The following MAP3K12 variants were observed in gnomAD, a reference collection of about 807,000 sequenced individuals.
The protein encoded by MAP3K12 is MAPK-upstream kinase.
A neutral mutation model predicts 87.5 loss-of-function variants in MAP3K12; 14 were observed. The ratio of observed to expected loss-of-function variants is 0.16; its 90% CI spans 0.11 to 0.25. The LOEUF is 0.25. Ranked by LOEUF, MAP3K12 falls within the 10% of genes least tolerant of loss-of-function variation. The pLI is 1.00. For missense variants in MAP3K12, 802 were observed against 1,140.4 expected (o/e 0.70, Z 4.27); for synonymous variants, 469 against 452.5 (o/e 1.04, Z -0.46).
Position 53,486,675 on chromosome 12 carries a change from C to T in MAP3K12, c.446-53G>A. 6.6e-7 allele frequency: 1 copy of T among 1,512,822 alleles called. No homozygotes were observed. Among genetic ancestry groups the T allele is most frequent in the South Asian group, 1.3e-5 (1 of 79,566 alleles). The allele number at this position is 1,512,822 out of a possible 1,614,324, so 93.7% of individuals were successfully genotyped here. A position where few individuals can be genotyped will look rare whatever the true frequency, so the allele number is the denominator to read the frequency against. On this transcript the variant is annotated intron_variant, in intron 2 of 13. Transcript: ENST00000547488. The surrounding 1 kb of genome is among the most constrained non-coding windows in gnomAD (Gnocchi z 4.9). ...GCCTCAGAAAGAGCCACACTCAAGGCCAGGGACAGGATAGCATTGGGTTGG... is the reference window on the plus strand; with the variant it reads ...GCCTCAGAAAGAGCCACACTCAAGGTCAGGGACAGGATAGCATTGGGTTGG...
At chr12:53,487,702 C>A in intron 1 of MAP3K12, 1 of 340,690 alleles carries the variant, frequency 2.9e-6, no homozygotes, top group African/African-American at 2.1e-5. Flanking sequence ...AACAGCCCCA[C>A]GTGGGTACAC....
rs1565885187 is a variant in MAP3K12, at chr12:53,483,644, T to C, written c.1438A>G (p.Met480Val). ...NNLYMELNALMLQLELKEREL... is the reference protein window; with the variant it reads ...NNLYMELNALVLQLELKEREL... ...CTCTCCTTGAGTTCCAGCTGCAACA[T>C]GAGGGCATTAAGTTCCATATACAGG... The change falls in exon 9 of 14, where the codon ATG (methionine) becomes GTG (valine). Residue 480 changes from methionine (M) to valine (V), a missense_variant. This residue lies in a region of MAP3K12 where 99 missense variants were observed against 193.4 expected (regional missense o/e 0.51). Coordinates refer to ENST00000547488, the MANE Select transcript of MAP3K12 (RefSeq NM_001193511.2). 6.2e-7 allele frequency: 1 copy of C among 1,614,076 alleles called. No individual in the cohort carries two copies. The highest frequency in any genetic ancestry group is 8.5e-7 in the Non-Finnish European group (1 of 1,180,030).
chr12:53,494,232 A>G (rs1177008979), intron 1 of MAP3K12, among the ~76,000 whole-genome samples: 1 of 152,316 alleles, frequency 6.6e-6, no homozygotes, highest in East Asian at 1.9e-4. Flanking sequence ...AATTATGCAG[A>G]GCATGGGGGA....
chr12:53,481,943 GCT>G lies in MAP3K12; in HGVS notation c.2576_2577del (p.Glu859AlafsTer7), dbSNP rs1565882406. The G allele has an allele frequency of 3.1e-6, 5 of 1,611,096 alleles. No homozygotes were observed. The highest frequency in any genetic ancestry group is 4.5e-5 in the East Asian group (2 of 44,750). ...LPIPHQELLR[E>X]RGPPNSEDSD... is the part of the protein sequence containing the mutation. ...CTTTTTGCTGTTGTGCCACTCACCC[GCT>G]CTCTGAGAAGTTCCTGGTGTGGAAT... On this transcript the variant is annotated frameshift_variant, in exon 13 of 14. Transcript: ENST00000547488. LOFTEE classifies it high-confidence loss of function.
chr12:53,488,257 T>C (rs1371434872), intron 1 of MAP3K12, among the ~76,000 whole-genome samples: 2 of 152,044 alleles, frequency 1.3e-5, no homozygotes, highest in Non-Finnish European at 2.9e-5. Context: ...CTCCCAGGGG[T>C]CAAACAAGGT....
At position 53,482,340 on chromosome 12, in the gene MAP3K12, TTCC is replaced by T. The variant is rs1272159984; in HGVS notation, c.2265_2267del (p.Glu756del). The stretch of plus-strand genomic sequence containing the variant: ...GCTCTACTTCACTGTCTACCTCTCC[TTCC>T]TCCTCTTCCGATGAGATGCCACGTT... On this transcript the variant is annotated inframe_deletion, in exon 12 of 14. Transcript: ENST00000547488. 1.9e-6 allele frequency: 3 copies of T among 1,613,940 alleles called. No homozygotes were observed. The highest frequency in any genetic ancestry group is 1.7e-6 in the Non-Finnish European group (2 of 1,180,016).
Position 53,481,278 on chromosome 12 carries a change from G to A in MAP3K12, c.2583C>T (p.Gly861=). 3 of 1,541,860 alleles carry A rather than the reference G, an allele frequency of 1.9e-6. No individual in the cohort carries two copies. Among genetic ancestry groups the A allele is most frequent in the Admixed American group, 2.0e-5 (1 of 50,514 alleles). ...AGTCTGAGTCCTCAGAATTGGGAGG[G>A]CCCTGTGAGAAAGAGTAGAAATGGA... is the stretch of plus-strand genomic sequence containing the variant. ...IPHQELLRER[G]PPNSEDSDCD... Residue 861 remains glycine, a splice_region_variant and synonymous_variant, in exon 14 of 14, where the codon GGC becomes GGT. Coordinates refer to ENST00000547488, the MANE Select transcript of MAP3K12 (RefSeq NM_001193511.2).
intron 6 of MAP3K12, 54 bp downstream of exon 6, chr12:53,485,002 T>A: frequency 6.2e-7 from 1 of 1,608,206 alleles, no homozygotes. Flanking sequence ...AGCCCAGTAC[T>A]ACCGTGCTTC....
chr12:53,496,753 A>C (rs1943556500), intron 1 of MAP3K12, among the ~76,000 whole-genome samples: 1 of 152,228 alleles, frequency 6.6e-6, no homozygotes, highest in South Asian at 2.1e-4. Context: ...TAAGACATAA[A>C]ATTTAAATTG....
In MAP3K12 at chr12:53,486,450, G is replaced by A. The variant is rs1469325119; in HGVS notation, c.618C>T (p.Ile206=). The change falls in exon 3 of 14, where the codon ATC becomes ATT. Residue 206 remains isoleucine, a synonymous_variant. Coordinates refer to ENST00000547488, the MANE Select transcript of MAP3K12 (RefSeq NM_001193511.2). The surrounding 1 kb of genome is among the most constrained non-coding windows in gnomAD (Gnocchi z 4.9). Reference sequence around the variant, plus strand: ...GCCCTGGACCTCACTTGAAAGTGATGATGTTGGGGTGCTTCAGCTTTCGCA... The same window carrying A: ...GCCCTGGACCTCACTTGAAAGTGATAATGTTGGGGTGCTTCAGCTTTCGCA... ...KHLRKLKHPN[I]ITFKGVCTQA... is the part of the protein sequence containing the mutation. 3 of 1,614,042 alleles carry A rather than the reference G, an allele frequency of 1.9e-6. No homozygotes were observed. The African/African-American group carries it at 4.0e-5, about 22-fold the overall frequency.
chr12:53,483,087 C>G lies in MAP3K12; in HGVS notation c.1716G>C (p.Arg572=). 1 of 1,535,070 alleles carries G rather than the reference C, an allele frequency of 6.5e-7. No homozygotes were observed. Among genetic ancestry groups the G allele is most frequent in the Non-Finnish European group, 8.7e-7 (1 of 1,143,042 alleles). ...GGTGACGGGTCTTGCCACGGCGACTCCGTCCTGGTGAGGGGGGGCCCTTAG... is the reference window on the plus strand; with the variant it reads ...GGTGACGGGTCTTGCCACGGCGACTGCGTCCTGGTGAGGGGGGGCCCTTAG... ...GCPKGPPSPG[R]SRRGKTRHRK... is the part of the protein sequence containing the mutation. Residue 572 remains arginine, a synonymous_variant, in exon 11 of 14, where the codon CGG becomes CGC. Transcript: ENST00000547488.
Position 53,486,665 on chromosome 12 carries a change from A to C in MAP3K12, c.446-43T>G. 6.5e-7 allele frequency: 1 copy of C among 1,527,204 alleles called. No individual in the cohort carries two copies. The highest frequency in any genetic ancestry group is 1.8e-4 in the Middle Eastern group (1 of 5,554). 94.6% of individuals were successfully genotyped at this position (1,527,204 alleles called of 1,614,324 possible). Reference sequence around the variant, plus strand: ...AGTGCCACAAGCCTCAGAAAGAGCCACACTCAAGGCCAGGGACAGGATAGC... The same window carrying C: ...AGTGCCACAAGCCTCAGAAAGAGCCCCACTCAAGGCCAGGGACAGGATAGC... On this transcript the variant is annotated intron_variant, in intron 2 of 13. Transcript: ENST00000547488. This position sits in a 1 kb window ranked among gnomAD's most constrained non-coding sequence, Gnocchi z 4.9.
rs1026268026 is a variant in MAP3K12, at chr12:53,482,807, C to T, written c.1996G>A (p.Gly666Ser). The T allele has an allele frequency of 1.9e-6, 3 of 1,611,318 alleles. No homozygotes were observed. The highest frequency in any genetic ancestry group is 1.7e-4 in the Middle Eastern group (1 of 6,032). Reference sequence around the variant, plus strand: ...TCACCCCGGGCCGGAGGTGGTGAGCCAGGATCCCCAGCTCCGCCTGTGGCC... The same window carrying T: ...TCACCCCGGGCCGGAGGTGGTGAGCTAGGATCCCCAGCTCCGCCTGTGGCC... ...RGATGGAGDP[G>S]SPPPARGDTP... is the part of the protein sequence containing the mutation. The change falls in exon 11 of 14, where the codon GGC becomes AGC. Residue 666 changes from glycine to serine, a missense_variant. Coordinates refer to ENST00000547488, the MANE Select transcript of MAP3K12 (RefSeq NM_001193511.2).
At chr12:53,485,511 C>T (rs1210654722) in intron 4 of MAP3K12, 36 bp from the exon 5 acceptor site, 8 of 1,594,864 alleles carry the variant, frequency 5.0e-6, no homozygotes, top group African/African-American at 1.3e-5. Flanking sequence ...GTCCACACCC[C>T]TCCACACACC....
At position 53,482,003 on chromosome 12, in the gene MAP3K12, C is replaced by CAT; in HGVS notation, c.2517_2518insAT (p.Val840MetfsTer103). On this transcript the variant is annotated frameshift_variant, in exon 13 of 14. Coordinates refer to ENST00000547488, the MANE Select transcript of MAP3K12 (RefSeq NM_001193511.2). LOFTEE classifies it high-confidence loss of function. ...GAGCTGGGTTCAGGGCCAGGGATGA[C>CAT]CTCTGAAGGAGGTGGGTCCAGTGGG... The CAT allele has an allele frequency of 6.2e-7, 1 of 1,614,180 alleles. No individual in the cohort carries two copies.
intron 1 of MAP3K12, among the ~76,000 whole-genome samples, chr12:53,491,710 G>A (rs1307276060): frequency 6.6e-6 from 1 of 151,576 alleles, no homozygotes; most frequent in Non-Finnish European, 1.5e-5. Context: ...TGGGATTACA[G>A]GCGTGAGCCA....
Position 53,483,911 on chromosome 12 carries a change from C to T in MAP3K12, c.1358G>A (p.Arg453Lys). ...CACCTCCCCAAGCACGGGAACTCAC[C>T]TGAGCTCCTCCCTCCTCCTCATCAC... ...ELVMRRREEL[R>K]HALDIREHYE... Residue 453 changes from arginine (R) to lysine (K), a missense_variant and splice_region_variant, in exon 8 of 14, where the codon AGA (arginine) becomes AAA (lysine). Arg to Lys is a conservative substitution (Grantham distance 26). Around this residue, in one of 5 missense-constraint regions of MAP3K12, gnomAD observed 99 missense variants for 193.4 expected, o/e 0.51. Transcript: ENST00000547488. 6.2e-7 allele frequency: 1 copy of T among 1,613,830 alleles called. No homozygotes were observed. Among genetic ancestry groups the T allele is most frequent in the Non-Finnish European group, 8.5e-7 (1 of 1,179,696 alleles).
chr12:53,489,178 A>G (rs1437310565), intron 1 of MAP3K12, among the ~76,000 whole-genome samples: 1 of 152,016 alleles, frequency 6.6e-6, no homozygotes, highest in Non-Finnish European at 1.5e-5. Context: ...ACAAAAAACA[A>G]CAAAGCTGGG....
In MAP3K12 at chr12:53,481,998, G is replaced by A; in HGVS notation, c.2523C>T (p.Ile841=). Residue 841 remains isoleucine, a synonymous_variant, in exon 13 of 14, where the codon ATC becomes ATT. Transcript: ENST00000547488. The part of the protein sequence containing the change: ...IPLDPPPSEV[I]PGPEPSSLPI... ...GCAGGGAGCTGGGTTCAGGGCCAGG[G>A]ATGACCTCTGAAGGAGGTGGGTCCA... The A allele has an allele frequency of 6.2e-7, 1 of 1,614,212 alleles. No individual in the cohort carries two copies. The highest frequency in any genetic ancestry group is 2.2e-5 in the East Asian group (1 of 44,884).
Sources: gnomAD v4.1 joint callset for allele counts (sites outside exome capture counted in the v4.1 genomes callset) on GRCh38, gnomAD v4.1.1 for gene constraint, gnomAD v4.1.1 regional missense constraint, Gnocchi (gnomAD v3.1) non-coding constraint, MANE v1.5 for transcripts, NCBI Gene and HGNC (gene_info 2026-07-23, HGNC 2026-07-21) for gene names.